BMERB1: variants seen among roughly 807,000 people sequenced by gnomAD.
BMERB1 encodes bMERB domain-containing protein 1.
In BMERB1, 12 loss-of-function variants were observed where a neutral mutation model predicts 23.6. The ratio of observed to expected loss-of-function variants is 0.51; its 90% CI spans 0.33 to 0.82. BMERB1 has a LOEUF of 0.82. Ranked by LOEUF, BMERB1 falls within the 40% of genes least tolerant of loss-of-function variation. BMERB1 has a pLI of 0.03. For missense variants in BMERB1, 247 were observed against 255.4 expected, an observed-to-expected ratio of 0.97 and a Z score of 0.22; for synonymous variants, 122 against 96.6, an observed-to-expected ratio of 1.26 and a Z score of -1.54.
At chr16:15,539,540 CATTA>C (rs1567490958) in intron 2 of BMERB1, among the ~76,000 whole-genome samples, 1 of 151,986 alleles carries the variant, frequency 6.6e-6, no homozygotes, top group Non-Finnish European at 1.5e-5. Flanking sequence ...TTTAGGAAAA[CATTA>C]ATTAAGAATT....
At chr16:15,562,875 C>T (rs571060536) in intron 2 of BMERB1, among the ~76,000 whole-genome samples, 2 of 152,284 alleles carry the variant, frequency 1.3e-5, no homozygotes, top group African/African-American at 4.8e-5. Flanking sequence ...TTCCAGGGCA[C>T]GACTTGAAAA....
intron 1 of BMERB1, among the ~76,000 whole-genome samples, chr16:15,475,707 G>A (rs919258579): frequency 6.6e-6 from 1 of 152,130 alleles, no homozygotes; most frequent in Non-Finnish European, 1.5e-5. Context: ...CCACTGGGTG[G>A]GGGATGGAGA....
intron 1 of BMERB1, among the ~76,000 whole-genome samples, chr16:15,456,998 G>T (rs1352447810): frequency 6.6e-6 from 1 of 151,840 alleles, no homozygotes; most frequent in Non-Finnish European, 1.5e-5. Flanking sequence ...GCTAATTTTT[G>T]TATTTTTAGT....
chr16:15,587,955 G>A lies in BMERB1; in HGVS notation c.*1126G>A, dbSNP rs912238491. 5 of 152,518 alleles carry A rather than the reference G, an allele frequency of 3.3e-5. No homozygotes were observed. Among genetic ancestry groups the A allele is most frequent in the South Asian group, 2.0e-4 (1 of 4,886 alleles). The allele number at this position is 152,518 out of a possible 1,614,324, so 9.4% of individuals were successfully genotyped here. A position where few individuals can be genotyped will look rare whatever the true frequency, so the allele number is the denominator to read the frequency against. On this transcript the variant is annotated 3_prime_UTR_variant, in exon 6 of 6. Coordinates refer to ENST00000300006, the MANE Select transcript of BMERB1 (RefSeq NM_033201.3). ...CAGAGAAAATAAAAATGGAAACCAC[G>A]TTCACAGCATTTTAAAAGTTTTTAC...
chr16:15,444,084 G>A (rs1484877043), intron 1 of BMERB1, among the ~76,000 whole-genome samples: 1 of 139,606 alleles, frequency 7.2e-6, no homozygotes, highest in African/African-American at 2.7e-5. Context: ...CAGGCACAGA[G>A]GTGAATATTC....
chr16:15,561,256 ATTTTTTTTTTT>A (rs35139646), intron 2 of BMERB1, among the ~76,000 whole-genome samples: 10 of 42,216 alleles, frequency 2.4e-4, no homozygotes, highest in African/African-American at 5.4e-4. Flanking sequence ...CACGCCGGCC[ATTTTTTTTTTT>A]TTTTTTTTTT....
chr16:15,497,696 TTAG>T (rs1267501698), intron 1 of BMERB1, among the ~76,000 whole-genome samples: 2 of 152,160 alleles, frequency 1.3e-5, no homozygotes, highest in African/African-American at 4.8e-5. Context: ...TCATCAGTTG[TTAG>T]TATTTGTTTT....
chr16:15,480,273 G>A (rs367834787), intron 1 of BMERB1, among the ~76,000 whole-genome samples: 8 of 151,412 alleles, frequency 5.3e-5, no homozygotes, highest in Non-Finnish European at 8.8e-5. Flanking sequence ...CACTATGCCC[G>A]GCTAATTTGT....
intron 2 of BMERB1, among the ~76,000 whole-genome samples, chr16:15,522,626 G>T (rs891565360): frequency 1.3e-5 from 2 of 152,184 alleles, no homozygotes; most frequent in African/African-American, 4.8e-5. Context: ...GAGAGGTCAA[G>T]TCTCTTGCCC....
chr16:15,561,033 G>A (rs757531406), intron 2 of BMERB1, among the ~76,000 whole-genome samples: 1 of 122,946 alleles, frequency 8.1e-6, no homozygotes, highest in African/African-American at 3.1e-5. Context: ...TCAGCTCACC[G>A]CAATCTCTGC....
At position 15,514,471 on chromosome 16, in the gene BMERB1, A is replaced by G. The variant is rs905870118; in HGVS notation, c.107-834A>G. Among the ~76,000 whole-genome samples the G allele has an allele frequency of 2.6e-5, 4 of 152,234 alleles. No homozygotes were observed. The South Asian group carries it at 6.2e-4, about 24-fold the overall frequency. On this transcript the variant is annotated intron_variant, in intron 1 of 5. Transcript: ENST00000300006. ...GCCTTAATCAGGCTTTTGTGAGCCC[A>G]CTTGTGAGCCTCCACTAGCCATCAT...
At chr16:15,570,019 T>C (rs559067869) in intron 3 of BMERB1, among the ~76,000 whole-genome samples, 1 of 152,280 alleles carries the variant, frequency 6.6e-6, no homozygotes, top group African/African-American at 2.4e-5. Context: ...TAAGGGCAGC[T>C]TGGAGGTTAA....
chr16:15,478,302 A>G (rs1038506782), intron 1 of BMERB1, among the ~76,000 whole-genome samples: 2 of 151,984 alleles, frequency 1.3e-5, no homozygotes, highest in Non-Finnish European at 2.9e-5. Flanking sequence ...TGGGATTTAC[A>G]GGCACACACC....
intron 1 of BMERB1, among the ~76,000 whole-genome samples, chr16:15,459,957 AATT>A (rs1020012778): frequency 2.0e-4 from 31 of 152,140 alleles, no homozygotes; most frequent in African/African-American, 7.5e-4. Context: ...CTTTTCCTTT[AATT>A]GGTCTTCTTC....
intron 1 of BMERB1, among the ~76,000 whole-genome samples, chr16:15,503,442 C>T (rs1053245942): frequency 9.5e-5 from 11 of 115,816 alleles, no homozygotes; most frequent in East Asian, 5.5e-4. Context: ...CCACCACGCC[C>T]GGCTATTTTT....
chr16:15,505,455 T>C (rs2051577715), intron 1 of BMERB1, among the ~76,000 whole-genome samples: 1 of 152,234 alleles, frequency 6.6e-6, no homozygotes, highest in Non-Finnish European at 1.5e-5. Flanking sequence ...TTAAGCAGGC[T>C]ATAGTATTTA....
chr16:15,471,827 C>A (rs557125797), intron 1 of BMERB1, among the ~76,000 whole-genome samples: 16 of 152,296 alleles, frequency 1.1e-4, no homozygotes, highest in South Asian at 6.2e-4. Context: ...ATTCTCCCAC[C>A]TCAGCCTCCC....
intron 1 of BMERB1, among the ~76,000 whole-genome samples, chr16:15,511,397 G>A (rs918175339): frequency 3.9e-5 from 6 of 152,112 alleles, no homozygotes; most frequent in Non-Finnish European, 7.4e-5. Flanking sequence ...AAGGCAAGGA[G>A]GAGGTGATTG....
Position 15,587,537 on chromosome 16 carries a change from G to A in BMERB1, c.*708G>A, listed in dbSNP as rs1188743100. ...GCCTGGAGGGGGCCTGGACTGGCAT[G>A]GATCCAGTGTGCAGAAGAGCCAGCA... On this transcript the variant is annotated 3_prime_UTR_variant, in exon 6 of 6. Transcript: ENST00000300006. 2.2e-6 allele frequency: 1 copy of A among 452,870 alleles called. No homozygotes were observed. Among genetic ancestry groups the A allele is most frequent in the Non-Finnish European group, 4.4e-6 (1 of 224,744 alleles). 28.1% of individuals were successfully genotyped at this position (452,870 alleles called of 1,614,324 possible).
Sources: allele counts gnomAD v4.1 joint callset (sites outside exome capture counted in the v4.1 genomes callset), GRCh38; gene constraint gnomAD v4.1.1; transcripts MANE v1.5; gene names NCBI Gene and HGNC (gene_info 2026-07-23, HGNC 2026-07-21).